The following GTF2A1L variants were observed in gnomAD, a reference collection of about 807,000 sequenced individuals.
GTF2A1L encodes general transcription factor IIA subunit 1 like, also known as TFIIA-alpha and beta-like factor.
Under a neutral mutation model 49.7 loss-of-function variants are expected in GTF2A1L, and 48 were observed. The observed-to-expected ratio is 0.97, with a 90% confidence interval of 0.77 to 1.23. The LOEUF (loss-of-function observed/expected upper bound fraction) is 1.23, where lower values mean the gene tolerates loss of function less well. GTF2A1L is among the 50% of genes most tolerant of loss of function. The pLI is 0.00. For missense variants in GTF2A1L, 736 were observed against 564.8 expected, an observed-to-expected ratio of 1.30 and a Z score of -3.07; for synonymous variants, 246 against 193.5, an observed-to-expected ratio of 1.27 and a Z score of -2.25.
intron 8 of GTF2A1L, among the ~76,000 whole-genome samples, chr2:48,672,147 G>A (rs79838133): frequency 0.05 from 7,554 of 152,226 alleles, 627 homozygotes; most frequent in African/African-American, 0.17. Flanking sequence ...GGGTGATGTG[G>A]GGTTTTGAAA....
chr2:48,674,074 A>G (rs1441185405), intron 8 of GTF2A1L, among the ~76,000 whole-genome samples: 1 of 152,050 alleles, frequency 6.6e-6, no homozygotes, highest in African/African-American at 2.4e-5. Context: ...CTCTATGAAC[A>G]TTTGGGTACA....
intron 3 of GTF2A1L, among the ~76,000 whole-genome samples, chr2:48,641,156 G>A (rs549443766): frequency 3.9e-5 from 6 of 151,996 alleles, no homozygotes; most frequent in African/African-American, 1.2e-4. Context: ...TTTCCTCTCC[G>A]GCTATTACTT....
chr2:48,650,276 A>G, intron 6 of GTF2A1L, among the ~76,000 whole-genome samples: 1 of 152,212 alleles, frequency 6.6e-6, no homozygotes, highest in East Asian at 1.9e-4. Context: ...GTGGTTCTGA[A>G]TCCTGGCTGA....
intron 3 of GTF2A1L, among the ~76,000 whole-genome samples, chr2:48,623,052 C>T (rs1032317692): frequency 6.6e-6 from 1 of 152,008 alleles, no homozygotes; most frequent in Non-Finnish European, 1.5e-5. Context: ...TCTCCTTATT[C>T]TCTTCTACAT....
rs763161825 is a variant in GTF2A1L, at chr2:48,646,733, T to C, written c.669T>C (p.Asn223=). 3.1e-6 allele frequency: 5 copies of C among 1,614,086 alleles called. No homozygotes were observed. Among genetic ancestry groups the C allele is most frequent in the Admixed American group, 1.7e-5 (1 of 60,006 alleles). The part of the protein sequence containing the change: ...ATSDILVSPG[N]EHKIVPEALL... The stretch of plus-strand genomic sequence containing the variant: ...GTGATATACTTGTATCTCCTGGAAA[T>C]GAGCATAAAATCGTGCCTGAAGCTT... Residue 223 remains asparagine (N), a synonymous_variant, in exon 6 of 9, where the codon AAT becomes AAC. Coordinates refer to ENST00000403751, the MANE Select transcript of GTF2A1L (RefSeq NM_006872.5).
At position 48,624,722 on chromosome 2, in the gene GTF2A1L, T is replaced by C. The variant is rs1029090514; in HGVS notation, c.247+3432T>C. Among the ~76,000 whole-genome samples the C allele has an allele frequency of 2.1e-5, 3 of 139,590 alleles. 1 individual carries two copies. Among genetic ancestry groups the C allele is most frequent in the Admixed American group, 1.5e-4 (2 of 13,452 alleles). The allele number at this position is 139,590 out of a possible 152,430, so 91.6% of individuals were successfully genotyped here. On this transcript the variant is annotated intron_variant, in intron 3 of 8. Coordinates refer to ENST00000403751, the MANE Select transcript of GTF2A1L (RefSeq NM_006872.5). ...TCTTCTTATTTTCTCCCTTCCTGCC[T>C]CTGGTAACTGCTATTTTATTCTCTA...
At chr2:48,649,595 A>G (rs1041925105) in intron 6 of GTF2A1L, among the ~76,000 whole-genome samples, 5 of 152,162 alleles carry the variant, frequency 3.3e-5, no homozygotes, top group African/African-American at 1.2e-4. Flanking sequence ...TTGTGGTAGG[A>G]TTAGTTAAGA....
chr2:48,628,507 C>T lies in GTF2A1L; in HGVS notation c.247+7217C>T, dbSNP rs116802164. Reference sequence around the variant, plus strand: ...GGAGCATTTTTTCATATATTGGCCACTTCTATATCTTTTGAGAAGCATCTG... The same window carrying T: ...GGAGCATTTTTTCATATATTGGCCATTTCTATATCTTTTGAGAAGCATCTG... On this transcript the variant is annotated intron_variant, in intron 3 of 8. Coordinates refer to ENST00000403751, the MANE Select transcript of GTF2A1L (RefSeq NM_006872.5). Among the ~76,000 whole-genome samples the T allele has an allele frequency of 9.1e-3, 1,311 of 143,462 alleles. 99 individuals carry two copies. Among genetic ancestry groups the T allele is most frequent in the African/African-American group, 0.031 (1,264 of 40,502 alleles). 94.1% of individuals were successfully genotyped at this position (143,462 alleles called of 152,430 possible). A position where few individuals can be genotyped will look rare whatever the true frequency, so the allele number is the denominator to read the frequency against.
intron 3 of GTF2A1L, chr2:48,633,232 TACTG>T (rs1237395696): frequency 1.1e-5 from 2 of 187,608 alleles, no homozygotes; most frequent in Admixed American, 5.6e-5. Flanking sequence ...CCCTCTGTCC[TACTG>T]ACTATCTTCT....
chr2:48,658,672 T>A, intron 6 of GTF2A1L, among the ~76,000 whole-genome samples: 1 of 152,118 alleles, frequency 6.6e-6, no homozygotes, highest in East Asian at 1.9e-4. Context: ...AATTTCATAA[T>A]TAGGTATTGG....
chr2:48,627,446 C>G (rs1419933829), intron 3 of GTF2A1L, among the ~76,000 whole-genome samples: 2 of 143,700 alleles, frequency 1.4e-5, no homozygotes, highest in Non-Finnish European at 3.1e-5. Flanking sequence ...AAACGTTGTT[C>G]ATTATACAAG....
intron 6 of GTF2A1L, among the ~76,000 whole-genome samples, chr2:48,651,378 C>T (rs1677836362): frequency 6.6e-6 from 1 of 150,620 alleles, no homozygotes; most frequent in African/African-American, 2.4e-5. Flanking sequence ...CTGCCAACAT[C>T]TGATTTTAAT....
intron 3 of GTF2A1L, among the ~76,000 whole-genome samples, chr2:48,631,639 T>C (rs1676583491): frequency 6.6e-6 from 1 of 152,140 alleles, no homozygotes; most frequent in Non-Finnish European, 1.5e-5. Context: ...ATTCTTTGTA[T>C]GGATTTTTGG....
At chr2:48,643,785 C>T (rs1387244463) in intron 4 of GTF2A1L, among the ~76,000 whole-genome samples, 2 of 150,484 alleles carry the variant, frequency 1.3e-5, no homozygotes, top group Admixed American at 6.6e-5. Context: ...CTGCAACCTC[C>T]GCCTCCCAGG....
At chr2:48,651,047 A>C (rs1360074250) in intron 6 of GTF2A1L, among the ~76,000 whole-genome samples, 4 of 152,158 alleles carry the variant, frequency 2.6e-5, no homozygotes, top group African/African-American at 9.7e-5. Context: ...GGGAAGCTTA[A>C]ATTGCAAAGA....
chr2:48,647,584 GT>G (rs921393360), intron 6 of GTF2A1L, among the ~76,000 whole-genome samples: 13 of 149,054 alleles, frequency 8.7e-5, no homozygotes, highest in East Asian at 3.9e-4. Flanking sequence ...AGCCCACAAA[GT>G]TTTTTTTTTC....
chr2:48,630,719 A>C (rs949992649), intron 3 of GTF2A1L, among the ~76,000 whole-genome samples: 1 of 109,762 alleles, frequency 9.1e-6, no homozygotes, highest in Non-Finnish European at 2.2e-5. Flanking sequence ...ATTTTTGCCC[A>C]TTTAGCATGG....
intron 3 of GTF2A1L, among the ~76,000 whole-genome samples, chr2:48,621,555 T>C (rs780232731): frequency 2.0e-5 from 3 of 152,240 alleles, no homozygotes; most frequent in Non-Finnish European, 4.4e-5. Context: ...ACATAGTTTG[T>C]CAGCTGTTGG....
In GTF2A1L at chr2:48,621,273, C is replaced by T; in HGVS notation, c.230C>T (p.Thr77Ile). Residue 77 changes from threonine to isoleucine, a missense_variant, in exon 3 of 9, where the codon ACA becomes ATA. Thr to Ile is a moderately conservative substitution (Grantham distance 89). Coordinates refer to ENST00000403751, the MANE Select transcript of GTF2A1L (RefSeq NM_006872.5). ...CAGTTGCCGCACAGCTTGCACCAAACATTGCAATCGTCAACAGGTTGGATA... is the reference window on the plus strand; with the variant it reads ...CAGTTGCCGCACAGCTTGCACCAAATATTGCAATCGTCAACAGGTTGGATA... ...TLQLPHSLHQ[T>I]LQSSTASLVI... is the part of the protein sequence containing the mutation. 1 of 1,614,120 alleles carries T rather than the reference C, an allele frequency of 6.2e-7. No individual in the cohort carries two copies. The highest frequency in any genetic ancestry group is 8.5e-7 in the Non-Finnish European group (1 of 1,180,022).
Sources: gnomAD v4.1 joint callset for allele counts (sites outside exome capture counted in the v4.1 genomes callset) on GRCh38, gnomAD v4.1.1 for gene constraint, MANE v1.5 for transcripts, NCBI Gene and HGNC (gene_info 2026-07-23, HGNC 2026-07-21) for gene names.